Variants in MBOAT2 observed in about 807,000 individuals in gnomAD.
MBOAT2 encodes membrane bound glycerophospholipid O-acyltransferase 2, also known as membrane-bound glycerophospholipid O-acyltransferase 2.
Under a neutral mutation model 63.4 loss-of-function variants are expected in MBOAT2, and 28 were observed. That is an observed-to-expected ratio of 0.44 (90% CI 0.33 to 0.61). The LOEUF (loss-of-function observed/expected upper bound fraction) is 0.61, where lower values mean the gene tolerates loss of function less well. Ranked by LOEUF, MBOAT2 falls within the 20% of genes least tolerant of loss-of-function variation. The pLI, the probability that MBOAT2 is intolerant of heterozygous loss-of-function variation, is 0.03. For missense variants in MBOAT2, 470 were observed against 605.8 expected, an observed-to-expected ratio of 0.78 and a Z score of 2.35; for synonymous variants, 211 against 215.6, an observed-to-expected ratio of 0.98 and a Z score of 0.19.
chr2:8,985,426 G>A (rs375161968), intron 1 of MBOAT2, among the ~76,000 whole-genome samples: 7 of 151,918 alleles, frequency 4.6e-5, no homozygotes, highest in Admixed American at 1.3e-4. Context: ...AATCTATACC[G>A]GAACTCCAGA....
chr2:8,925,575 T>C (rs1666875537), intron 3 of MBOAT2, among the ~76,000 whole-genome samples: 1 of 152,218 alleles, frequency 6.6e-6, no homozygotes, highest in South Asian at 2.1e-4. Context: ...GCTCTTTGAC[T>C]GCAGACAGGA....
chr2:8,971,391 C>A (rs1318515592), intron 1 of MBOAT2, among the ~76,000 whole-genome samples: 8 of 152,148 alleles, frequency 5.3e-5, no homozygotes. Flanking sequence ...CTATTTATGA[C>A]AAACCCACAG....
At chr2:8,962,070 C>A (rs185470295) in intron 1 of MBOAT2, among the ~76,000 whole-genome samples, 257 of 152,308 alleles carry the variant, frequency 1.7e-3, no homozygotes, top group African/African-American at 5.7e-3. Flanking sequence ...TCATCACTTG[C>A]TCATCTAATT....
intron 8 of MBOAT2, among the ~76,000 whole-genome samples, chr2:8,869,295 C>T (rs572930585): frequency 2.6e-5 from 4 of 151,660 alleles, no homozygotes; most frequent in African/African-American, 9.7e-5. Flanking sequence ...CATCTTCCCA[C>T]CTTGGCCTCC....
In MBOAT2 at chr2:8,876,859, G is replaced by T. The variant is rs532928988; in HGVS notation, c.690+171C>A. 5.0e-5 allele frequency: 28 copies of T among 563,682 alleles called. No individual in the cohort carries two copies. In the South Asian group the frequency reaches 7.4e-4, roughly 15 times the overall value. 34.9% of individuals were successfully genotyped at this position (563,682 alleles called of 1,614,324 possible). ...CATAGTTTCTCAAGTGACCTTATTT[G>T]TGTTCTTAATCATGACTGTACTTCT... On this transcript the variant is annotated intron_variant, in intron 7 of 12. Transcript: ENST00000305997.
intron 3 of MBOAT2, among the ~76,000 whole-genome samples, chr2:8,938,734 TTG>T (rs1039576966): frequency 1.0e-4 from 15 of 147,458 alleles, no homozygotes; most frequent in South Asian, 2.2e-4. Context: ...CATGCCACCG[TTG>T]TCTCATGCCG....
intron 8 of MBOAT2, among the ~76,000 whole-genome samples, chr2:8,870,752 C>G (rs187092109): frequency 6.6e-6 from 1 of 152,156 alleles, no homozygotes; most frequent in African/African-American, 2.4e-5. Context: ...TATTGCCTTA[C>G]AGCTAAAAAT....
intron 1 of MBOAT2, among the ~76,000 whole-genome samples, chr2:8,991,186 A>C (rs961753327): frequency 1.3e-5 from 2 of 152,188 alleles, no homozygotes; most frequent in African/African-American, 4.8e-5. Context: ...TTGGCCAAAA[A>C]TCAATATACA....
intron 3 of MBOAT2, among the ~76,000 whole-genome samples, chr2:8,928,567 C>T (rs942934939): frequency 1.3e-5 from 2 of 151,796 alleles, no homozygotes; most frequent in Non-Finnish European, 2.9e-5. Flanking sequence ...AAATAATAGC[C>T]ATTGATATAT....
chr2:8,998,867 T>C (rs1672491148), intron 1 of MBOAT2, among the ~76,000 whole-genome samples: 1 of 152,120 alleles, frequency 6.6e-6, no homozygotes, highest in Non-Finnish European at 1.5e-5. Context: ...AAACTAAACC[T>C]GACCTTTTTT....
chr2:8,900,633 G>A (rs1214717650), intron 4 of MBOAT2, among the ~76,000 whole-genome samples: 1 of 152,144 alleles, frequency 6.6e-6, no homozygotes, highest in Non-Finnish European at 1.5e-5. Context: ...GAGATTAGAG[G>A]AGGATTATCA....
rs1304629776 is a variant in MBOAT2 at position 8,853,918 on chromosome 2, T to G, written c.*4761A>C. The G allele has an allele frequency of 6.6e-6, 1 of 152,170 alleles. No homozygotes were observed. The highest frequency in any genetic ancestry group is 1.5e-5 in the Non-Finnish European group (1 of 68,036). 9.4% of individuals were successfully genotyped at this position (152,170 alleles called of 1,614,324 possible). On this transcript the variant is annotated 3_prime_UTR_variant, in exon 13 of 13. Coordinates refer to ENST00000305997, the MANE Select transcript of MBOAT2 (RefSeq NM_138799.4). The stretch of plus-strand genomic sequence containing the variant: ...TGTCAGTTCTTTATTGGGATTTGCA[T>G]AATGTTAAAAAACCTATTAAAATAA...
intron 3 of MBOAT2, among the ~76,000 whole-genome samples, chr2:8,927,031 A>C (rs1666983403): frequency 6.6e-6 from 1 of 152,190 alleles, no homozygotes; most frequent in Non-Finnish European, 1.5e-5. Flanking sequence ...AGAAGGAAGA[A>C]GGGATGATTT....
intron 7 of MBOAT2, 96 bp downstream of exon 7, chr2:8,876,934 C>T: frequency 1.6e-6 from 2 of 1,231,352 alleles, no homozygotes; most frequent in Non-Finnish European, 2.2e-6. Flanking sequence ...TTTAAAGAAA[C>T]AGATGGATAA....
intron 6 of MBOAT2, among the ~76,000 whole-genome samples, chr2:8,879,437 T>A (rs1333577489): frequency 6.6e-6 from 1 of 152,246 alleles, no homozygotes; most frequent in Admixed American, 6.5e-5. Context: ...GGTACCGAAG[T>A]AAGTAACTGT....
chr2:8,897,287 T>C (rs1224023325), intron 4 of MBOAT2, among the ~76,000 whole-genome samples: 1 of 150,118 alleles, frequency 6.7e-6, no homozygotes, highest in Non-Finnish European at 1.5e-5. Flanking sequence ...CTCTCTTTCC[T>C]TTCTGCTGCC....
In MBOAT2 at chr2:8,943,072, T is replaced by C. The variant is rs957576296; in HGVS notation, c.299+115A>G. On this transcript the variant is annotated intron_variant, in intron 3 of 12. Coordinates refer to ENST00000305997, the MANE Select transcript of MBOAT2 (RefSeq NM_138799.4). ...ATTTTTGTATTTATGACAATTCTTC[T>C]TTAAAAAATTATCACAATTCATAAT... The C allele has an allele frequency of 1.2e-5, 7 of 596,770 alleles. No individual in the cohort carries two copies. In the African/African-American group the frequency reaches 1.3e-4, roughly 11 times the overall value. 37.0% of individuals were successfully genotyped at this position (596,770 alleles called of 1,614,324 possible).
At chr2:8,948,218 T>C (rs903544537) in intron 2 of MBOAT2, among the ~76,000 whole-genome samples, 1 of 152,194 alleles carries the variant, frequency 6.6e-6, no homozygotes, top group Non-Finnish European at 1.5e-5. Flanking sequence ...AATCTCATGA[T>C]AAAACTTCTC....
At chr2:8,904,553 C>T (rs1168515903) in intron 4 of MBOAT2, among the ~76,000 whole-genome samples, 1 of 152,144 alleles carries the variant, frequency 6.6e-6, no homozygotes, top group Non-Finnish European at 1.5e-5. Context: ...TCAAGTGATC[C>T]TCCCACCTTG....
Sources: gnomAD v4.1 joint callset for allele counts (sites outside exome capture counted in the v4.1 genomes callset) on GRCh38, gnomAD v4.1.1 for gene constraint, MANE v1.5 for transcripts, NCBI Gene and HGNC (gene_info 2026-07-23, HGNC 2026-07-21) for gene names.